NXPH1: variants seen among roughly 807,000 people sequenced by gnomAD.
The protein encoded by NXPH1 is neurexophilin 1.
NXPH1 carries 5 observed loss-of-function variants against 23.7 expected under a neutral mutation model. The observed-to-expected ratio is 0.21, with a 90% CI of 0.11 to 0.44. NXPH1 has a LOEUF of 0.44. Among genes scored for constraint, NXPH1 ranks in the 20% least tolerant of loss-of-function variants. The probability of loss-of-function intolerance (pLI) is 0.99; values close to 1 mark genes in which losing one functional copy is unlikely to be tolerated. For missense variants in NXPH1, 324 were observed against 321.6 expected (o/e 1.01, Z -0.06); for synonymous variants, 144 against 122.2 (o/e 1.18, Z -1.18).
chr7:8,643,605 T>A (rs1245919831), intron 2 of NXPH1, among the ~76,000 whole-genome samples: 3 of 152,194 alleles, frequency 2.0e-5, no homozygotes, highest in Non-Finnish European at 4.4e-5. Context: ...TCAGGTTTTA[T>A]AGTTATTGCA....
At chr7:8,720,505 A>G (rs1355440689) in intron 2 of NXPH1, among the ~76,000 whole-genome samples, 1 of 152,238 alleles carries the variant, frequency 6.6e-6, no homozygotes, top group Non-Finnish European at 1.5e-5. Context: ...GATTAAAATA[A>G]AATAATGTCA....
At chr7:8,675,726 G>C (rs1374677719) in intron 2 of NXPH1, among the ~76,000 whole-genome samples, 1 of 152,138 alleles carries the variant, frequency 6.6e-6, no homozygotes, top group African/African-American at 2.4e-5. Context: ...GGTTATCCAG[G>C]TAAACGTGGA....
intron 2 of NXPH1, among the ~76,000 whole-genome samples, chr7:8,586,181 A>C (rs1417942501): frequency 2.0e-5 from 3 of 152,140 alleles, no homozygotes; most frequent in Admixed American, 2.0e-4. Flanking sequence ...ATTTTAATCC[A>C]AAAACACTGA....
intron 2 of NXPH1, among the ~76,000 whole-genome samples, chr7:8,675,573 A>C (rs1248642337): frequency 6.6e-6 from 1 of 152,180 alleles, no homozygotes; most frequent in African/African-American, 2.4e-5. Flanking sequence ...AACAGAAGAC[A>C]TGGCCTTTCT....
intron 2 of NXPH1, among the ~76,000 whole-genome samples, chr7:8,618,439 A>G (rs1819793337): frequency 6.6e-6 from 1 of 152,174 alleles, no homozygotes; most frequent in Non-Finnish European, 1.5e-5. Flanking sequence ...TGTTTAGCCA[A>G]TGAGCGTAAA....
chr7:8,660,591 G>C (rs1214531219), intron 2 of NXPH1, among the ~76,000 whole-genome samples: 1 of 152,140 alleles, frequency 6.6e-6, no homozygotes, highest in Non-Finnish European at 1.5e-5. Context: ...CTGAGGACAG[G>C]AAATGTAAAT....
At chr7:8,682,526 A>G (rs1429002247) in intron 2 of NXPH1, among the ~76,000 whole-genome samples, 2 of 152,208 alleles carry the variant, frequency 1.3e-5, no homozygotes, top group Non-Finnish European at 1.5e-5. Flanking sequence ...TGCTCCATAT[A>G]AAGGTCATAC....
intron 2 of NXPH1, among the ~76,000 whole-genome samples, chr7:8,647,707 A>C (rs757577735): frequency 2.0e-5 from 3 of 150,710 alleles, no homozygotes; most frequent in Non-Finnish European, 4.4e-5. Flanking sequence ...TCTAGTAGAA[A>C]TTTTCTGTAG....
chr7:8,745,508 T>G (rs930047363), intron 2 of NXPH1, among the ~76,000 whole-genome samples: 1 of 151,830 alleles, frequency 6.6e-6, no homozygotes, highest in Non-Finnish European at 1.5e-5. Flanking sequence ...AATAATAAGT[T>G]TTTTTTTCAT....
intron 2 of NXPH1, among the ~76,000 whole-genome samples, chr7:8,476,307 C>T (rs574207443): frequency 6.6e-6 from 1 of 152,112 alleles, no homozygotes; most frequent in Non-Finnish European, 1.5e-5. Flanking sequence ...TGTCAGCTGA[C>T]AAGTTTCTTC....
intron 2 of NXPH1, among the ~76,000 whole-genome samples, chr7:8,540,885 A>G (rs1285697928): frequency 6.6e-6 from 1 of 151,810 alleles, no homozygotes; most frequent in African/African-American, 2.4e-5. Flanking sequence ...AGCATGCTCC[A>G]GACCTTCCCA....
At position 8,589,738 on chromosome 7, in the gene NXPH1, C is replaced by G. The variant is rs17151848; in HGVS notation, c.54+153971C>G. Among the ~76,000 whole-genome samples, 855 of 152,166 alleles carry G rather than the reference C, an allele frequency of 5.6e-3. 4 individuals carry two copies. Among genetic ancestry groups the G allele is most frequent in the African/African-American group, 0.02 (813 of 41,510 alleles). Reference sequence around the variant, plus strand: ...TGAACGGAAGCTATTAAAGACTATGCTCTGGGAAAGGACAAACAGACCAGA... The same window carrying G: ...TGAACGGAAGCTATTAAAGACTATGGTCTGGGAAAGGACAAACAGACCAGA... On this transcript the variant is annotated intron_variant, in intron 2 of 2. Transcript: ENST00000405863.
intron 2 of NXPH1, among the ~76,000 whole-genome samples, chr7:8,714,412 A>T (rs192983500): frequency 6.6e-6 from 1 of 152,026 alleles, no homozygotes; most frequent in African/African-American, 2.4e-5. Flanking sequence ...GGTACCCAGG[A>T]CCCTGCTTAG....
At chr7:8,593,101 A>G (rs1181465230) in intron 2 of NXPH1, among the ~76,000 whole-genome samples, 1 of 151,516 alleles carries the variant, frequency 6.6e-6, no homozygotes, top group African/African-American at 2.4e-5. Flanking sequence ...TCCCAGAATG[A>G]TTTCTTAATA....
chr7:8,613,778 TTAAC>T (rs1227367680), intron 2 of NXPH1, among the ~76,000 whole-genome samples: 1 of 149,796 alleles, frequency 6.7e-6, no homozygotes, highest in Non-Finnish European at 1.5e-5. Context: ...GATTTTATTT[TTAAC>T]TAATAACATT....
intron 2 of NXPH1, among the ~76,000 whole-genome samples, chr7:8,537,655 A>G (rs1054464261): frequency 6.6e-6 from 1 of 151,904 alleles, no homozygotes; most frequent in African/African-American, 2.4e-5. Context: ...CAGCAAAACC[A>G]TATCAAGCAC....
intron 2 of NXPH1, among the ~76,000 whole-genome samples, chr7:8,536,591 T>C (rs1282376330): frequency 7.2e-6 from 1 of 138,998 alleles, no homozygotes; most frequent in Admixed American, 7.5e-5. Context: ...AGGAGGCTAT[T>C]GTGACCATTG....
chr7:8,739,819 C>G (rs1780330654), intron 2 of NXPH1, among the ~76,000 whole-genome samples: 1 of 151,988 alleles, frequency 6.6e-6, no homozygotes, highest in South Asian at 2.1e-4. Context: ...ATATCTTTTG[C>G]TTTTTAAACA....
At chr7:8,473,243 G>A (rs1378009780) in intron 2 of NXPH1, among the ~76,000 whole-genome samples, 1 of 152,126 alleles carries the variant, frequency 6.6e-6, no homozygotes, top group Non-Finnish European at 1.5e-5. Flanking sequence ...TTGAGCGGCT[G>A]TTCCCAACCA....
Sources: allele counts gnomAD v4.1 joint callset (sites outside exome capture counted in the v4.1 genomes callset), GRCh38; gene constraint gnomAD v4.1.1; transcripts MANE v1.5; gene names NCBI Gene and HGNC (gene_info 2026-07-23, HGNC 2026-07-21).